Variants in ERP44 observed in about 807,000 individuals in gnomAD.
The protein encoded by ERP44 is endoplasmic reticulum protein 44.
In ERP44, 25 loss-of-function variants were observed where a neutral mutation model predicts 53.4. That is an observed-to-expected ratio of 0.47 (90% confidence interval 0.34 to 0.65). ERP44 has a LOEUF of 0.65. ERP44 is among the 30% of genes least tolerant of loss of function. ERP44 has a pLI of 0.01. For synonymous variants in ERP44, 145 were observed against 161.2 expected (o/e 0.90, Z 0.76); for missense variants, 338 against 493.2 (o/e 0.69, Z 2.98).
chr9:99,998,415 C>A, intron 10 of ERP44: 1 of 645,450 alleles, frequency 1.5e-6, no homozygotes, highest in South Asian at 1.8e-5. Flanking sequence ...GCCGGCCGGT[C>A]CTCGTTTGCC....
intron 7 of ERP44, among the ~76,000 whole-genome samples, 181 bp from the exon 8 acceptor site, chr9:100,016,619 A>C (rs1208567897): frequency 3.3e-5 from 5 of 152,164 alleles, no homozygotes; most frequent in Admixed American, 6.5e-5. Flanking sequence ...CTCTTACCTC[A>C]GCCTCCAGAG....
chr9:99,991,781 A>G (rs937152892), intron 10 of ERP44, among the ~76,000 whole-genome samples: 3 of 152,196 alleles, frequency 2.0e-5, no homozygotes, highest in African/African-American at 7.2e-5. Flanking sequence ...AGACTAATAA[A>G]GAAGAAAAGA....
intron 1 of ERP44, among the ~76,000 whole-genome samples, chr9:100,066,379 T>G (rs998609696): frequency 1.3e-5 from 2 of 152,230 alleles, no homozygotes; most frequent in African/African-American, 2.4e-5. Context: ...AACAGATATT[T>G]CTGCATGAAA....
intron 1 of ERP44, among the ~76,000 whole-genome samples, chr9:100,089,415 T>C (rs928688286): frequency 5.3e-5 from 8 of 151,790 alleles, no homozygotes; most frequent in Admixed American, 5.2e-4. Flanking sequence ...ACCCCAAATC[T>C]ACTAAAAATA....
At chr9:99,990,334 G>C (rs184864144) in intron 10 of ERP44, among the ~76,000 whole-genome samples, 1 of 152,372 alleles carries the variant, frequency 6.6e-6, no homozygotes, top group Non-Finnish European at 1.5e-5. Context: ...AACTCTGCAA[G>C]CCAGAAGAGA....
intron 1 of ERP44, among the ~76,000 whole-genome samples, chr9:100,078,042 G>A (rs955001930): frequency 4.6e-5 from 7 of 152,246 alleles, no homozygotes; most frequent in African/African-American, 1.7e-4. Flanking sequence ...GGTAGAACAA[G>A]GCAGTCATCA....
At chr9:100,089,630 G>C (rs559581274) in intron 1 of ERP44, among the ~76,000 whole-genome samples, 1 of 149,288 alleles carries the variant, frequency 6.7e-6, no homozygotes, top group Non-Finnish European at 1.5e-5. Context: ...GCCATAAAGC[G>C]CTTCCTTAAG....
At chr9:100,012,897 C>T (rs1447125794) in intron 8 of ERP44, among the ~76,000 whole-genome samples, 1 of 152,094 alleles carries the variant, frequency 6.6e-6, no homozygotes, top group Non-Finnish European at 1.5e-5. Context: ...ACTTAAGGAT[C>T]CAAGAAATAG....
intron 4 of ERP44, among the ~76,000 whole-genome samples, chr9:100,027,106 G>T (rs936845424): frequency 1.3e-5 from 2 of 152,194 alleles, no homozygotes; most frequent in African/African-American, 4.8e-5. Flanking sequence ...ATTTTATCCA[G>T]TGTTGTGATA....
At chr9:100,028,918 C>T (rs1830681703) in intron 4 of ERP44, among the ~76,000 whole-genome samples, 1 of 152,174 alleles carries the variant, frequency 6.6e-6, no homozygotes, top group Admixed American at 6.5e-5. Context: ...TTTTAAGGCA[C>T]ACACAATAAT....
At chr9:100,013,237 A>G (rs1830494288) in intron 8 of ERP44, among the ~76,000 whole-genome samples, 1 of 152,164 alleles carries the variant, frequency 6.6e-6, no homozygotes, top group South Asian at 2.1e-4. Context: ...TCAAATCTGA[A>G]ATTATACTCT....
At chr9:100,049,195 A>G (rs1458463458) in intron 4 of ERP44, among the ~76,000 whole-genome samples, 1 of 152,188 alleles carries the variant, frequency 6.6e-6, no homozygotes, top group African/African-American at 2.4e-5. Context: ...CAATCACTTT[A>G]GCCCAGGAGT....
chr9:99,991,810 G>A (rs1311932874), intron 10 of ERP44, among the ~76,000 whole-genome samples: 3 of 151,990 alleles, frequency 2.0e-5, no homozygotes, highest in Non-Finnish European at 2.9e-5. Flanking sequence ...TCAAATAGAT[G>A]CAATAAAAAA....
intron 4 of ERP44, among the ~76,000 whole-genome samples, chr9:100,042,485 G>A (rs1237061246): frequency 6.6e-6 from 1 of 152,128 alleles, no homozygotes; most frequent in Non-Finnish European, 1.5e-5. Context: ...CAATCGCTAT[G>A]GAGAACAGTT....
rs953815962 is a variant in ERP44, at chr9:100,063,857, A to G, written c.58-3685T>C. ...TTAATCATCTCTCATAATTCATTAG[A>G]TAACTCCTCCATGCATTTACTGTAC... On this transcript the variant is annotated intron_variant, in intron 1 of 11. Transcript: ENST00000262455. Among the ~76,000 whole-genome samples the G allele has an allele frequency of 2.6e-5, 4 of 152,220 alleles. No homozygotes were observed. The East Asian group carries it at 5.8e-4, about 22-fold the overall frequency.
chr9:100,058,637 G>A (rs777197685), intron 2 of ERP44, among the ~76,000 whole-genome samples: 11 of 152,078 alleles, frequency 7.2e-5, no homozygotes, highest in Non-Finnish European at 1.2e-4. Context: ...TGCACAAGAC[G>A]CCAGTTTTTT....
chr9:100,073,659 A>C (rs554823524), intron 1 of ERP44, among the ~76,000 whole-genome samples: 2 of 152,358 alleles, frequency 1.3e-5, no homozygotes, highest in African/African-American at 4.8e-5. Flanking sequence ...TTTCACAAGA[A>C]ATCATTCTCA....
rs1826048959 is a variant in ERP44, at chr9:100,052,448, T to G, written c.255A>C (p.Val85=). ...GATCACAATCAACTCTGGCAAACAC[T>G]ACTTGATTTTCATTTGGAAATTCTT... The part of the protein sequence containing the change: ...IKEEFPNENQ[V]VFARVDCDQH... The change falls in exon 4 of 12, where the codon GTA becomes GTC. Residue 85 remains valine, a synonymous_variant. Coordinates refer to ENST00000262455, the MANE Select transcript of ERP44 (RefSeq NM_015051.3). The G allele has an allele frequency of 1.9e-6, 3 of 1,612,058 alleles. No individual in the cohort carries two copies. Among genetic ancestry groups the G allele is most frequent in the Non-Finnish European group, 2.5e-6 (3 of 1,178,816 alleles).
At chr9:100,063,897 T>C (rs1826183701) in intron 1 of ERP44, among the ~76,000 whole-genome samples, 1 of 152,182 alleles carries the variant, frequency 6.6e-6, no homozygotes, top group Admixed American at 6.5e-5. Flanking sequence ...TATTACAACA[T>C]TTCAGCCTAG....
Sources: allele counts gnomAD v4.1 joint callset (sites outside exome capture counted in the v4.1 genomes callset), GRCh38; gene constraint gnomAD v4.1.1; transcripts MANE v1.5; gene names NCBI Gene and HGNC (gene_info 2026-07-23, HGNC 2026-07-21).